PLEC: variants seen among roughly 807,000 people sequenced by gnomAD.
PLEC encodes hemidesmosomal protein 1.
PLEC carries 216 observed loss-of-function variants against 392.8 expected under a neutral mutation model. That is an observed-to-expected ratio of 0.55 (90% CI 0.49 to 0.62). The LOEUF (loss-of-function observed/expected upper bound fraction) is 0.62. Ranked by LOEUF, PLEC falls within the 20% of genes least tolerant of loss-of-function variation. The pLI, the probability that PLEC is intolerant of heterozygous loss-of-function variation, is 0.00. For missense variants in PLEC, 6,863 were observed against 6,563.4 expected (o/e 1.05, Z -1.58); for synonymous variants, 3,621 against 2,980.6 (o/e 1.21, Z -7.00).
At chr8:143,953,891 C>T (rs1832441364), upstream of PLEC, 10 of 1,505,606 alleles carry the variant, frequency 6.6e-6, no homozygotes, top group South Asian at 2.6e-5. Context: ...CAGGGCTTGC[C>T]GGCCAGGGGC....
At position 143,929,534 on chromosome 8, in the gene PLEC, G is replaced by C. The variant is rs149932255; in HGVS notation, c.2961C>G (p.Ser987=). The C allele has an allele frequency of 6.2e-7, 1 of 1,612,626 alleles. No individual in the cohort carries two copies. Among genetic ancestry groups the C allele is most frequent in the Non-Finnish European group, 8.5e-7 (1 of 1,179,898 alleles). Residue 987 remains serine (S), a synonymous_variant, in exon 24 of 32, where the codon TCC becomes TCG. Coordinates refer to ENST00000345136, the MANE Select transcript of PLEC (RefSeq NM_201384.3). ...QEESRCQRCI[S]ELKDIRLQLE... ...GCTGCAGCCGGATGTCTTTGAGCTCGGAGATGCAGCGCTGGCAGCGAGACT... is the reference window on the plus strand; with the variant it reads ...GCTGCAGCCGGATGTCTTTGAGCTCCGAGATGCAGCGCTGGCAGCGAGACT...
chr8:143,927,399 C>T lies in PLEC; in HGVS notation c.3756+11G>A, dbSNP rs1554707294. The T allele has an allele frequency of 6.2e-7, 1 of 1,607,234 alleles. No homozygotes were observed. Among genetic ancestry groups the T allele is most frequent in the African/African-American group, 1.3e-5 (1 of 75,042 alleles). On this transcript the variant is annotated intron_variant, in intron 27 of 31. Coordinates refer to ENST00000345136, the MANE Select transcript of PLEC (RefSeq NM_201384.3). Reference sequence around the variant, plus strand: ...CGCCCAGCCGCCCCGTCCCCACCGACCCAAGCCCACCTGCTCCTGCCGCAG... The same window carrying T: ...CGCCCAGCCGCCCCGTCCCCACCGATCCAAGCCCACCTGCTCCTGCCGCAG...
At chr8:143,936,353 G>A (rs1285978643) in intron 5 of PLEC, among the ~76,000 whole-genome samples, 2 of 152,252 alleles carry the variant, frequency 1.3e-5, no homozygotes, top group Admixed American at 1.3e-4. Context: ...AGCTGGGATG[G>A]AGCAGAGTGG....
At chr8:143,952,620 T>C (rs1554737634), upstream of PLEC, among the ~76,000 whole-genome samples, 1 of 151,002 alleles carries the variant, frequency 6.6e-6, no homozygotes. Context: ...CCTGATTCCC[T>C]AACCTAATCC....
chr8:143,934,605 A>G, intron 10 of PLEC, 30 bp downstream of exon 10: 1 of 1,607,386 alleles, frequency 6.2e-7, no homozygotes, highest in Middle Eastern at 1.7e-4. Context: ...GTTCCAGGAC[A>G]CCACCCACCC....
In PLEC at chr8:143,917,642, C is replaced by T. The variant is rs781784602; in HGVS notation, c.12179G>A (p.Arg4060Gln). 8.1e-6 allele frequency: 13 copies of T among 1,613,682 alleles called. No homozygotes were observed. Among genetic ancestry groups the T allele is most frequent in the African/African-American group, 1.3e-5 (1 of 75,056 alleles). ...GGIIDPEESH[R>Q]LPVEVAYKRG... Reference sequence around the variant, plus strand: ...CTTGTAGGCCACCTCCACGGGCAGCCGGTGGCTCTCCTCAGGGTCGATGAT... The same window carrying T: ...CTTGTAGGCCACCTCCACGGGCAGCTGGTGGCTCTCCTCAGGGTCGATGAT... Residue 4060 changes from arginine (R) to glutamine (Q), a missense_variant, in exon 32 of 32, where the codon CGG becomes CAG. Coordinates refer to ENST00000345136, the MANE Select transcript of PLEC (RefSeq NM_201384.3).
intron 1 of PLEC, among the ~76,000 whole-genome samples, chr8:143,949,050 C>T (rs1831825035): frequency 6.6e-6 from 1 of 152,224 alleles, no homozygotes; most frequent in South Asian, 2.1e-4. Flanking sequence ...CAGCCTCCAC[C>T]CCACAGCCTC....
At chr8:143,940,658 C>T (rs532313697), upstream of PLEC, among the ~76,000 whole-genome samples, 55 of 152,206 alleles carry the variant, frequency 3.6e-4, no homozygotes, top group Non-Finnish European at 5.6e-4. Context: ...GTTCCAGCCG[C>T]ACATCAGGCA....
In PLEC at chr8:143,922,054, C is replaced by T; in HGVS notation, c.7767G>A (p.Glu2589=). 1 of 1,592,968 alleles carries T rather than the reference C, an allele frequency of 6.3e-7. No homozygotes were observed. The highest frequency in any genetic ancestry group is 8.5e-7 in the Non-Finnish European group (1 of 1,177,644). ...QRRQQEELLA[E]ENQRLREQLQ... Reference sequence around the variant, plus strand: ...GCTGCTCACGCAGCCTCTGGTTCTCCTCAGCCAGCAGCTCCTCCTGCTGCC... The same window carrying T: ...GCTGCTCACGCAGCCTCTGGTTCTCTTCAGCCAGCAGCTCCTCCTGCTGCC... The change falls in exon 32 of 32, where the codon GAG becomes GAA. Residue 2589 remains glutamate, a synonymous_variant. Coordinates refer to ENST00000345136, the MANE Select transcript of PLEC (RefSeq NM_201384.3).
At position 143,923,919 on chromosome 8, in the gene PLEC, G is replaced by A. The variant is rs369813798; in HGVS notation, c.6010C>T (p.Arg2004Trp). The A allele has an allele frequency of 1.7e-4, 267 of 1,594,826 alleles. No individual in the cohort carries two copies. Among genetic ancestry groups the A allele is most frequent in the Non-Finnish European group, 2.0e-4 (240 of 1,178,152 alleles). ...LAAEEEAARQ[R>W]KAALEEVERL... is the part of the protein sequence containing the mutation. ...TCGACTTCCTCCAGCGCCGCCTTCC[G>A]CTGCCGTGCGGCCTCCTCCTCGGCC... The change falls in exon 31 of 32, where the codon CGG becomes TGG. Residue 2004 changes from arginine (R) to tryptophan (W), a missense_variant. By Grantham distance (101) the Arg-to-Trp change is moderately radical. Transcript: ENST00000345136.
Position 143,934,066 on chromosome 8 carries a change from T to TCACGATGC in PLEC, c.1187_1194dup (p.Thr399AlafsTer3). 6.2e-7 allele frequency: 1 copy of TCACGATGC among 1,611,752 alleles called. No homozygotes were observed. Among genetic ancestry groups the TCACGATGC allele is most frequent in the Non-Finnish European group, 8.5e-7 (1 of 1,179,536 alleles). On this transcript the variant is annotated frameshift_variant, in exon 12 of 32. Transcript: ENST00000345136. LOFTEE classifies it high-confidence loss of function. ...AGCCCCGCCTCCATCTGCAGCTTGG[T>TCACGATGC]CACGATGCGCTGAAGACACTCCAGC...
chr8:143,936,947 G>A, intron 5 of PLEC, 32 bp downstream of exon 5: 1 of 1,525,948 alleles, frequency 6.6e-7, no homozygotes, highest in Non-Finnish European at 9.1e-7. Context: ...AACTCCTGCA[G>A]GGGGTGGGGG....
chr8:143,917,253 C>T lies in PLEC; in HGVS notation c.12568G>A (p.Val4190Ile). ...EITISSSDGV[V>I]KSMIIDRRSG... is the part of the protein sequence containing the mutation. The stretch of plus-strand genomic sequence containing the variant: ...CGGCGGTCGATGATCATGGACTTGA[C>T]CACGCCGTCCGAGGAGGAGATGGTG... The change falls in exon 32 of 32, where the codon GTC becomes ATC. Residue 4190 changes from valine to isoleucine, a missense_variant. By Grantham distance (29) the Val-to-Ile change is conservative. Coordinates refer to ENST00000345136, the MANE Select transcript of PLEC (RefSeq NM_201384.3). 6.2e-7 allele frequency: 1 copy of T among 1,611,954 alleles called. No homozygotes were observed. Among genetic ancestry groups the T allele is most frequent in the Non-Finnish European group, 8.5e-7 (1 of 1,179,388 alleles).
At position 143,918,485 on chromosome 8, in the gene PLEC, G is replaced by A; in HGVS notation, c.11336C>T (p.Thr3779Ile). 2 of 1,599,404 alleles carry A rather than the reference G, an allele frequency of 1.3e-6. No individual in the cohort carries two copies. Among genetic ancestry groups the A allele is most frequent in the Non-Finnish European group, 1.7e-6 (2 of 1,174,384 alleles). ...CTTCATGGCCTGGAAGAGCGAGATG[G>A]TCTGCTCGGTGTAGGGGTCACGGTA... is the stretch of plus-strand genomic sequence containing the variant. ...TGYRDPYTEQ[T>I]ISLFQAMKKE... The change falls in exon 32 of 32, where the codon ACC becomes ATC. Residue 3779 changes from threonine (T) to isoleucine (I), a missense_variant. Physicochemically the swap from Thr to Ile is moderately conservative, Grantham distance 89. Coordinates refer to ENST00000345136, the MANE Select transcript of PLEC (RefSeq NM_201384.3).
At position 143,934,072 on chromosome 8, in the gene PLEC, T is replaced by C. The variant is rs781822034; in HGVS notation, c.1189A>G (p.Ile397Val). Residue 397 changes from isoleucine to valine, a missense_variant, in exon 12 of 32, where the codon ATC becomes GTC. Transcript: ENST00000345136. ...GCCTCCATCTGCAGCTTGGTCACGA[T>C]GCGCTGAAGACACTCCAGCCTGCAG... ...EFERLECLQR[I>V]VTKLQMEAGL... The C allele has an allele frequency of 1.2e-6, 2 of 1,611,746 alleles. No homozygotes were observed. Among genetic ancestry groups the C allele is most frequent in the South Asian group, 1.1e-5 (1 of 90,938 alleles).
chr8:143,939,295 C>T, intron 1 of PLEC, 55 bp downstream of exon 1: 1 of 1,573,188 alleles, frequency 6.4e-7, no homozygotes, highest in East Asian at 2.3e-5. Context: ...AGTGGGCCTT[C>T]CTCCCGCAGG....
chr8:143,942,510 CGACATGCCGGCCACGGCCGGA>C, upstream of PLEC: 2 of 1,575,304 alleles, frequency 1.3e-6, no homozygotes, highest in Non-Finnish European at 8.6e-7. Context: ...CCCCCGCCCC[CGACATGCCGGCCACGGCCGGA>C]GCCCTGGTTC....
At chr8:143,954,004 A>C, upstream of PLEC, 2 of 1,042,004 alleles carry the variant, frequency 1.9e-6, no homozygotes, top group African/African-American at 1.7e-5. The surrounding 1 kb of genome is among the most constrained non-coding windows in gnomAD (Gnocchi z 4.6). Context: ...GGGGCACGCG[A>C]CCCCGCTAAC....
intron 25 of PLEC, 140 bp downstream of exon 25, chr8:143,928,963 A>T (rs2131678441): frequency 1.3e-6 from 1 of 759,862 alleles, no homozygotes; most frequent in East Asian, 2.7e-5. Flanking sequence ...CCACCACCCC[A>T]GCTGGGCCTC....
Sources: gnomAD v4.1 joint callset for allele counts (sites outside exome capture counted in the v4.1 genomes callset) on GRCh38, gnomAD v4.1.1 for gene constraint, Gnocchi (gnomAD v3.1) non-coding constraint, MANE v1.5 for transcripts, NCBI Gene and HGNC (gene_info 2026-07-23, HGNC 2026-07-21) for gene names.